The following NAV1 variants were observed in gnomAD, a reference collection of about 807,000 sequenced individuals.
The protein encoded by NAV1 is neuron navigator 1.
NAV1 carries 18 observed loss-of-function variants against 175.2 expected under a neutral mutation model. The observed-to-expected ratio is 0.10, with a 90% CI of 0.07 to 0.15. The LOEUF is 0.15. Among genes scored for constraint, NAV1 ranks in the 10% least tolerant of loss-of-function variants. NAV1 has a pLI of 1.00. For synonymous variants in NAV1, 897 were observed against 978.7 expected (o/e 0.92, Z 1.56); for missense variants, 1,731 against 2,436.6 (o/e 0.71, Z 6.10).
At chr1:201,582,104 AAACAGACCAGG>A (rs762992340) in intron 1 of NAV1, among the ~76,000 whole-genome samples, 19 of 152,228 alleles carry the variant, frequency 1.2e-4, no homozygotes, top group Non-Finnish European at 2.5e-4. Context: ...TCAAACAAAC[AAACAGACCAGG>A]AACAGAGCTG....
chr1:201,767,816 GA>G (rs1675310649), intron 3 of NAV1, among the ~76,000 whole-genome samples: 1 of 152,232 alleles, frequency 6.6e-6, no homozygotes, highest in Non-Finnish European at 1.5e-5. Context: ...GACCTTTGGG[GA>G]AGTATGGATT....
exon 1 of NAV1, chr1:201,623,518 C>T (rs1668237419): frequency 1.0e-6 from 1 of 986,026 alleles, no homozygotes; most frequent in African/African-American, 1.7e-5. Context: ...GGGCAAGCGC[C>T]CCTCTCCCTC....
intron 1 of NAV1, among the ~76,000 whole-genome samples, chr1:201,685,142 G>A (rs1316773967): frequency 2.0e-5 from 3 of 151,426 alleles, no homozygotes; most frequent in Non-Finnish European, 2.9e-5. Flanking sequence ...CATGGTGGTG[G>A]GCACCTGTAA....
At chr1:201,553,332 G>A (rs1341294647) in intron 1 of NAV1, among the ~76,000 whole-genome samples, 1 of 152,196 alleles carries the variant, frequency 6.6e-6, no homozygotes, top group African/African-American at 2.4e-5. Context: ...GCTTCCATCT[G>A]CCTCTTTGTA....
chr1:201,571,205 G>T (rs981096751), intron 1 of NAV1, among the ~76,000 whole-genome samples: 1 of 152,230 alleles, frequency 6.6e-6, no homozygotes, highest in African/African-American at 2.4e-5. Context: ...GTGTGATGAA[G>T]GAGAAGTCAG....
At chr1:201,631,406 A>ACATG in intron 2 of NAV1, among the ~76,000 whole-genome samples, 1 of 152,238 alleles carries the variant, frequency 6.6e-6, no homozygotes, top group East Asian at 1.9e-4. Flanking sequence ...TTGGGGCATG[A>ACATG]CATGACTCAT....
chr1:201,648,583 G>T (rs146874869), exon 1 of NAV1: 2 of 739,600 alleles, frequency 2.7e-6, no homozygotes, highest in Non-Finnish European at 3.6e-6. Context: ...CTCCTCCCCC[G>T]CCTCCTCCTC....
chr1:201,623,210 C>T, exon 1 of NAV1: 1 of 985,994 alleles, frequency 1.0e-6, no homozygotes, highest in Non-Finnish European at 1.2e-6. Flanking sequence ...ACCCCGAAAG[C>T]AGCCCTCTCC....
chr1:201,804,525 T>C (rs1426891914), intron 17 of NAV1, 28 bp downstream of exon 21: 1 of 1,539,792 alleles, frequency 6.5e-7, no homozygotes, highest in Admixed American at 2.0e-5. Context: ...TATCCCCTTA[T>C]TTTCTCTTTC....
intron 3 of NAV1, among the ~76,000 whole-genome samples, chr1:201,776,946 CAAA>C (rs200205765): frequency 6.8e-6 from 1 of 146,718 alleles, no homozygotes; most frequent in Non-Finnish European, 1.5e-5. Context: ...AGAGGGGAGA[CAAA>C]AAAAAACAGG....
intron 2 of NAV1, among the ~76,000 whole-genome samples, chr1:201,598,855 G>A (rs1216131293): frequency 6.6e-6 from 1 of 152,192 alleles, no homozygotes; most frequent in African/African-American, 2.4e-5. Flanking sequence ...GTAAGTGGGA[G>A]GGGGGTGTTA....
At chr1:201,616,279 C>T (rs1668000105) in intron 2 of NAV1, among the ~76,000 whole-genome samples, 1 of 152,154 alleles carries the variant, frequency 6.6e-6, no homozygotes, top group Non-Finnish European at 1.5e-5. Flanking sequence ...CACTGTACCA[C>T]AGAATCTCTT....
intron 1 of NAV1, among the ~76,000 whole-genome samples, chr1:201,674,393 G>GTT (rs1670163598): frequency 1.4e-5 from 2 of 146,722 alleles, no homozygotes; most frequent in Non-Finnish European, 1.5e-5. Context: ...GTGTGTGTTG[G>GTT]GGGGGGTTGT....
chr1:201,804,616 A>G, intron 17 of NAV1, 119 bp downstream of exon 21: 1 of 953,086 alleles, frequency 1.0e-6, no homozygotes, highest in Non-Finnish European at 1.5e-6. Flanking sequence ...ATGACCACTC[A>G]TAACACTAAC....
intron 2 of NAV1, among the ~76,000 whole-genome samples, chr1:201,597,077 C>T (rs531780559): frequency 9.2e-5 from 14 of 152,220 alleles, no homozygotes; most frequent in East Asian, 7.7e-4. Flanking sequence ...CCTCCTGCCT[C>T]GGCCTCCCAA....
At chr1:201,554,966 C>T (rs1014983112) in intron 1 of NAV1, among the ~76,000 whole-genome samples, 2 of 152,148 alleles carry the variant, frequency 1.3e-5, no homozygotes, top group African/African-American at 4.8e-5. Flanking sequence ...GGTGTAGAGA[C>T]ACATCACTCC....
chr1:201,609,886 T>C (rs541132294), intron 2 of NAV1, among the ~76,000 whole-genome samples: 2 of 152,192 alleles, frequency 1.3e-5, no homozygotes, highest in African/African-American at 4.8e-5. Flanking sequence ...GAGGGAAACC[T>C]GGATGGAACA....
At chr1:201,722,957 C>T in intron 3 of NAV1, among the ~76,000 whole-genome samples, 1 of 152,188 alleles carries the variant, frequency 6.6e-6, no homozygotes, top group Admixed American at 6.5e-5. Context: ...ACCAAAACTA[C>T]AAAAACTAGC....
intron 2 of NAV1, among the ~76,000 whole-genome samples, chr1:201,611,064 C>G (rs180997550): frequency 8.5e-5 from 13 of 152,300 alleles, no homozygotes; most frequent in African/African-American, 2.4e-4. Context: ...AGCCCCACCC[C>G]CTCTGCTAAC....
Sources: gnomAD v4.1 joint callset for allele counts (sites outside exome capture counted in the v4.1 genomes callset) on GRCh38, gnomAD v4.1.1 for gene constraint, MANE v1.5 for transcripts, NCBI Gene and HGNC (gene_info 2026-07-23, HGNC 2026-07-21) for gene names.